TENM2: variants seen among roughly 807,000 people sequenced by gnomAD.
TENM2 encodes teneurin transmembrane protein 2, also known as teneurin-2.
TENM2 carries 52 observed loss-of-function variants against 245.2 expected under a neutral mutation model. The observed-to-expected ratio is 0.21, with a 90% CI of 0.17 to 0.27. The LOEUF (loss-of-function observed/expected upper bound fraction) is 0.27. Ranked by LOEUF, TENM2 falls within the 10% of genes least tolerant of loss-of-function variation. TENM2 has a pLI of 1.00. For missense variants in TENM2, 3,046 were observed against 3,666.8 expected, an observed-to-expected ratio of 0.83 and a Z score of 4.37; for synonymous variants, 1,363 against 1,438.9, an observed-to-expected ratio of 0.95 and a Z score of 1.19.
chr5:167,740,420 G>A (rs1761100588), intron 2 of TENM2, among the ~76,000 whole-genome samples: 1 of 152,160 alleles, frequency 6.6e-6, no homozygotes, highest in South Asian at 2.1e-4. Context: ...TCTCTTGTGT[G>A]TTTTTGGATT....
chr5:167,135,802 A>T, the TENM2 span, among the ~76,000 whole-genome samples: 1 of 152,194 alleles, frequency 6.6e-6, no homozygotes, highest in Admixed American at 6.5e-5. Context: ...TCTCAAAAAA[A>T]AAATAGTGGC....
At chr5:167,833,805 G>T (rs1324728002) in intron 2 of TENM2, among the ~76,000 whole-genome samples, 1 of 152,156 alleles carries the variant, frequency 6.6e-6, no homozygotes, top group Non-Finnish European at 1.5e-5. Flanking sequence ...AGTAAAGAAG[G>T]TTCTCTGTTT....
At chr5:168,063,222 T>C (rs1020418022) in intron 7 of TENM2, among the ~76,000 whole-genome samples, 1 of 152,230 alleles carries the variant, frequency 6.6e-6, no homozygotes, top group African/African-American at 2.4e-5. Flanking sequence ...TGTTTCTCTG[T>C]GGCTCCCCTG....
intron 4 of TENM2, among the ~76,000 whole-genome samples, chr5:167,973,963 A>G (rs2151934822): frequency 6.9e-6 from 1 of 145,960 alleles, no homozygotes; most frequent in Non-Finnish European, 1.5e-5. Context: ...AAGTACATTG[A>G]AGTTAACCAG....
chr5:167,067,338 G>A, the TENM2 span, among the ~76,000 whole-genome samples: 7 of 152,118 alleles, frequency 4.6e-5, no homozygotes, highest in East Asian at 9.7e-4. Flanking sequence ...TTGAACATAA[G>A]CTTTGTCACA....
chr5:168,021,966 A>G (rs1786189158), intron 5 of TENM2, among the ~76,000 whole-genome samples: 1 of 152,148 alleles, frequency 6.6e-6, no homozygotes, highest in Non-Finnish European at 1.5e-5. Flanking sequence ...ACAATCCTAC[A>G]TCACAAGATA....
At chr5:167,656,635 C>CTTATTAAATTATTGTACTTT (rs1754861529) in intron 2 of TENM2, among the ~76,000 whole-genome samples, 6 of 151,826 alleles carry the variant, frequency 4.0e-5, no homozygotes, top group Admixed American at 3.3e-4. Context: ...TGAATTTTAT[C>CTTATTAAATTATTGTACTTT]TTATTTTCAT....
intron 2 of TENM2, among the ~76,000 whole-genome samples, chr5:167,655,335 G>T (rs1465683748): frequency 6.6e-6 from 1 of 152,100 alleles, no homozygotes; most frequent in Non-Finnish European, 1.5e-5. Flanking sequence ...CTAAATTTTT[G>T]TCATTGCATT....
At chr5:167,470,474 T>TTC (rs1482435965) in intron 2 of TENM2, among the ~76,000 whole-genome samples, 3 of 148,658 alleles carry the variant, frequency 2.0e-5, no homozygotes, top group African/African-American at 7.4e-5. Flanking sequence ...TTTTTTTTTT[T>TTC]TTGCTTATGG....
chr5:167,874,492 G>A (rs567476908), intron 2 of TENM2, among the ~76,000 whole-genome samples: 1 of 152,112 alleles, frequency 6.6e-6, no homozygotes, highest in Non-Finnish European at 1.5e-5. Flanking sequence ...CATTTCTTCT[G>A]TCTCAGGTAC....
At chr5:167,474,152 C>CT (rs1767218253) in intron 2 of TENM2, among the ~76,000 whole-genome samples, 2 of 144,366 alleles carry the variant, frequency 1.4e-5, no homozygotes, top group South Asian at 4.5e-4. Context: ...ATTATGAAAA[C>CT]TTTTAGAGAT....
At chr5:168,125,037 C>T (rs761017110) in exon 11 of TENM2, 4 of 1,607,156 alleles carry the variant, frequency 2.5e-6, no homozygotes, top group Admixed American at 1.7e-5. Context: ...GGATGGGTCC[C>T]GACTGCTCTG....
intron 2 of TENM2, among the ~76,000 whole-genome samples, chr5:167,478,990 ATG>A (rs58286500): frequency 4.6e-5 from 7 of 151,250 alleles, no homozygotes; most frequent in African/African-American, 7.3e-5. Context: ...CTTTATATAT[ATG>A]TGTGTGTGTG....
chr5:167,638,877 TGAAAAGAATTGCTA>T (rs1779382390), intron 2 of TENM2, among the ~76,000 whole-genome samples: 2 of 152,208 alleles, frequency 1.3e-5, no homozygotes, highest in African/African-American at 4.8e-5. Context: ...AAGTAATCGC[TGAAAAGAATTGCTA>T]GAAAAATACT....
chr5:168,072,930 G>C (rs114040252), intron 7 of TENM2, among the ~76,000 whole-genome samples: 1 of 152,106 alleles, frequency 6.6e-6, no homozygotes, highest in Non-Finnish European at 1.5e-5. Context: ...GCTGGTTGTC[G>C]AGACTCTAGT....
chr5:167,843,300 T>TG (rs397698215), intron 2 of TENM2, among the ~76,000 whole-genome samples: 18 of 151,884 alleles, frequency 1.2e-4, no homozygotes, highest in Non-Finnish European at 2.5e-4. Context: ...AGGACGTTTT[T>TG]GTTTGCTTGT....
At position 167,446,813 on chromosome 5, in the gene TENM2, A is replaced by C. The variant is rs1291426084; in HGVS notation, c.502+71340A>C. 3.3e-5 allele frequency among the ~76,000 whole-genome samples: 5 copies of C among 151,572 alleles called. No individual in the cohort carries two copies. In the East Asian group the frequency reaches 9.7e-4, roughly 29 times the overall value. ...AACACGCACACACACACACACACAC[A>C]CACACACACACACAGACATACATAC... On this transcript the variant is annotated intron_variant, in intron 2 of 28. Transcript: ENST00000518659.
chr5:167,683,894 G>A (rs2546988), intron 2 of TENM2, among the ~76,000 whole-genome samples: 68,545 of 151,992 alleles, frequency 0.45, 17,654 homozygotes, highest in East Asian at 0.9. Flanking sequence ...TTAAAAATGC[G>A]TGTAGTACTT....
At chr5:167,301,697 G>A (rs1026934225) in intron 1 of TENM2, among the ~76,000 whole-genome samples, 7 of 152,322 alleles carry the variant, frequency 4.6e-5, no homozygotes, top group Non-Finnish European at 7.3e-5. Flanking sequence ...GCTGCCAAAC[G>A]AGCCATGAAC....
Sources: allele counts gnomAD v4.1 joint callset (sites outside exome capture counted in the v4.1 genomes callset), GRCh38; gene constraint gnomAD v4.1.1; transcripts MANE v1.5; gene names NCBI Gene and HGNC (gene_info 2026-07-23, HGNC 2026-07-21).